SGCZ: variants seen among roughly 807,000 people sequenced by gnomAD.
The protein encoded by SGCZ is zeta-sarcoglycan.
In SGCZ, 40 loss-of-function variants were observed where a neutral mutation model predicts 41.3. The ratio of observed to expected loss-of-function variants is 0.97; its 90% CI spans 0.75 to 1.26. The LOEUF (loss-of-function observed/expected upper bound fraction) is 1.26. SGCZ is among the 50% of genes most tolerant of loss of function. The pLI, the probability that SGCZ is intolerant of heterozygous loss-of-function variation, is 0.00. For synonymous variants in SGCZ, 206 were observed against 137.5 expected (o/e 1.50, Z -3.49); for missense variants, 552 against 369.8 (o/e 1.49, Z -4.04).
intron 1 of SGCZ, among the ~76,000 whole-genome samples, chr8:14,873,339 C>A (rs746321441): frequency 6.6e-6 from 1 of 152,024 alleles, no homozygotes. Context: ...AGAGTAATAT[C>A]ATATTTTTTT....
chr8:15,198,579 G>A (rs941852608), intron 1 of SGCZ, among the ~76,000 whole-genome samples: 4 of 152,032 alleles, frequency 2.6e-5, no homozygotes, highest in African/African-American at 4.8e-5. Context: ...TCAAATTAAC[G>A]CATAATATCA....
At chr8:15,174,010 C>T (rs1799929179) in intron 1 of SGCZ, among the ~76,000 whole-genome samples, 1 of 152,214 alleles carries the variant, frequency 6.6e-6, no homozygotes, top group Non-Finnish European at 1.5e-5. Flanking sequence ...GTGTGAGCCA[C>T]TGCACCCGTT....
intron 1 of SGCZ, among the ~76,000 whole-genome samples, chr8:14,873,706 T>A (rs1489586536): frequency 6.6e-6 from 1 of 152,152 alleles, no homozygotes; most frequent in African/African-American, 2.4e-5. Flanking sequence ...TGGAAGTCCA[T>A]GAGTAACCCC....
chr8:14,725,024 G>T (rs1218021083), intron 1 of SGCZ, among the ~76,000 whole-genome samples: 1 of 151,900 alleles, frequency 6.6e-6, no homozygotes, highest in Non-Finnish European at 1.5e-5. Flanking sequence ...CCAGCCTCTA[G>T]TGGCCATCAT....
At chr8:15,064,058 G>A (rs1056463604) in intron 1 of SGCZ, among the ~76,000 whole-genome samples, 2 of 151,956 alleles carry the variant, frequency 1.3e-5, no homozygotes, top group Non-Finnish European at 1.5e-5. Context: ...TATTTCTTTT[G>A]GGTTTCTTTC....
chr8:14,927,485 G>C (rs1020750738), intron 1 of SGCZ, among the ~76,000 whole-genome samples: 1 of 152,074 alleles, frequency 6.6e-6, no homozygotes, highest in African/African-American at 2.4e-5. Flanking sequence ...AAGTGTAAGG[G>C]AGAGAGAGAA....
At chr8:14,514,964 A>G (rs1483188442) in intron 2 of SGCZ, among the ~76,000 whole-genome samples, 1 of 151,856 alleles carries the variant, frequency 6.6e-6, no homozygotes, top group African/African-American at 2.4e-5. Context: ...ACAGCATCCA[A>G]TTCCGATTAT....
intron 1 of SGCZ, among the ~76,000 whole-genome samples, chr8:15,212,883 C>T (rs1801279487): frequency 6.6e-6 from 1 of 152,054 alleles, no homozygotes. Flanking sequence ...TATTAACCTT[C>T]TATCTTTGGG....
intron 3 of SGCZ, among the ~76,000 whole-genome samples, chr8:14,287,419 T>C (rs908347232): frequency 2.7e-5 from 4 of 150,146 alleles, no homozygotes; most frequent in Admixed American, 2.0e-4. Flanking sequence ...AAGACACATA[T>C]TATATTACCG....
chr8:14,659,410 G>T (rs1020883306), intron 1 of SGCZ, among the ~76,000 whole-genome samples: 21 of 152,036 alleles, frequency 1.4e-4, no homozygotes, highest in Non-Finnish European at 7.4e-5. Context: ...TAAAAATATT[G>T]ATTTCTTTTA....
chr8:14,949,151 T>G (rs1156797365), intron 1 of SGCZ, among the ~76,000 whole-genome samples: 1 of 152,126 alleles, frequency 6.6e-6, no homozygotes, highest in East Asian at 1.9e-4. Flanking sequence ...ATAATTAAAA[T>G]AGCAGTATAT....
At chr8:14,270,775 A>C (rs1800031359) in intron 3 of SGCZ, among the ~76,000 whole-genome samples, 1 of 152,172 alleles carries the variant, frequency 6.6e-6, no homozygotes, top group African/African-American at 2.4e-5. Flanking sequence ...CATTTACAAT[A>C]GCAAAGACTT....
At chr8:14,242,095 A>T (rs1043233208) in intron 3 of SGCZ, among the ~76,000 whole-genome samples, 3 of 152,188 alleles carry the variant, frequency 2.0e-5, no homozygotes, top group African/African-American at 7.2e-5. Flanking sequence ...CAGATAATTA[A>T]CAATCATACA....
At chr8:15,234,341 G>A (rs1485648870) in intron 1 of SGCZ, among the ~76,000 whole-genome samples, 1 of 152,118 alleles carries the variant, frequency 6.6e-6, no homozygotes, top group Non-Finnish European at 1.5e-5. Context: ...TTCCAAAGCA[G>A]CAACCCATAT....
rs143346129 is a variant in SGCZ at position 14,864,490 on chromosome 8, T to C, written c.40-309564A>G. ...TAACATACAATCTTCCATCTTGAGA[T>C]AACTTCTTTGGAATAAATTAATGTT... On this transcript the variant is annotated intron_variant, in intron 1 of 7. Coordinates refer to ENST00000382080, the MANE Select transcript of SGCZ (RefSeq NM_139167.4). Among the ~76,000 whole-genome samples the C allele has an allele frequency of 4.6e-3, 696 of 152,300 alleles. 5 individuals carry two copies. The highest frequency in any genetic ancestry group is 0.016 in the African/African-American group (667 of 41,578).
At chr8:14,581,455 T>G (rs1056852450) in intron 1 of SGCZ, among the ~76,000 whole-genome samples, 1 of 151,906 alleles carries the variant, frequency 6.6e-6, no homozygotes, top group Non-Finnish European at 1.5e-5. Flanking sequence ...TTTTGTTTTT[T>G]TTTTTCCCCC....
At chr8:14,298,223 C>G (rs879483501) in intron 3 of SGCZ, among the ~76,000 whole-genome samples, 31 of 151,942 alleles carry the variant, frequency 2.0e-4, no homozygotes, top group African/African-American at 7.2e-4. Flanking sequence ...TGATGCATTC[C>G]TATGAAAATT....
At chr8:15,053,211 T>C (rs1314202926) in intron 1 of SGCZ, among the ~76,000 whole-genome samples, 1 of 152,190 alleles carries the variant, frequency 6.6e-6, no homozygotes, top group Non-Finnish European at 1.5e-5. Context: ...TACCACACCA[T>C]GTTCATGTCA....
At chr8:14,678,479 CAAT>C (rs1252394620) in intron 1 of SGCZ, among the ~76,000 whole-genome samples, 1 of 152,116 alleles carries the variant, frequency 6.6e-6, no homozygotes, top group Non-Finnish European at 1.5e-5. Context: ...AGTAAAACAA[CAAT>C]GATATGCCAC....
Sources: gnomAD v4.1 joint callset for allele counts (sites outside exome capture counted in the v4.1 genomes callset) on GRCh38, gnomAD v4.1.1 for gene constraint, MANE v1.5 for transcripts, NCBI Gene and HGNC (gene_info 2026-07-23, HGNC 2026-07-21) for gene names.